The following SPON1 variants were observed in gnomAD, a reference collection of about 807,000 sequenced individuals.
SPON1 encodes the protein spondin-1.
In SPON1, 52 loss-of-function variants were observed where a neutral mutation model predicts 111.7. That is an observed-to-expected ratio of 0.47 (90% confidence interval 0.37 to 0.59). SPON1 has a LOEUF of 0.59. Among genes scored for constraint, SPON1 ranks in the 20% least tolerant of loss-of-function variants. SPON1 has a pLI of 0.00. For missense variants in SPON1, 957 were observed against 1,068.5 expected (o/e 0.90, Z 1.46); for synonymous variants, 410 against 395.8 (o/e 1.04, Z -0.43).
chr11:14,035,258 G>C (rs147597112), intron 2 of SPON1, among the ~76,000 whole-genome samples: 2 of 152,018 alleles, frequency 1.3e-5, no homozygotes, highest in East Asian at 3.9e-4. Context: ...AAAGAGCATG[G>C]ACATTATGGC....
At position 14,260,853 on chromosome 11, in the gene SPON1, G is replaced by T; in HGVS notation, c.1996+101G>T. 6.1e-6 allele frequency: 8 copies of T among 1,311,570 alleles called. No homozygotes were observed. The South Asian group carries it at 1.2e-4, about 20-fold the overall frequency. 81.2% of individuals were successfully genotyped at this position (1,311,570 alleles called of 1,614,324 possible). A position where few individuals can be genotyped will look rare whatever the true frequency, so the allele number is the denominator to read the frequency against. On this transcript the variant is annotated intron_variant, in intron 14 of 15. Coordinates refer to ENST00000576479, the MANE Select transcript of SPON1 (RefSeq NM_006108.4). ...ATACTGCTAGATCCTAGAATAACAT[G>T]GTTTGCTGGGGAAGAGTTTGGGGTT...
In SPON1 at chr11:14,135,256, A is replaced by C. The variant is rs937228277; in HGVS notation, c.677-164A>C. ...ACATTCCCAAGACCTATTTGCTTATAGGAACTCAGTCTTATCACTGAATGG... is the reference window on the plus strand; with the variant it reads ...ACATTCCCAAGACCTATTTGCTTATCGGAACTCAGTCTTATCACTGAATGG... On this transcript the variant is annotated intron_variant, in intron 5 of 15. Coordinates refer to ENST00000576479, the MANE Select transcript of SPON1 (RefSeq NM_006108.4). The surrounding 1 kb of genome is among the most constrained non-coding windows in gnomAD (Gnocchi z 4.4). Among the ~76,000 whole-genome samples the C allele has an allele frequency of 6.6e-6, 1 of 152,218 alleles. No individual in the cohort carries two copies. The highest frequency in any genetic ancestry group is 2.1e-4 in the South Asian group (1 of 4,830).
chr11:14,086,735 T>C (rs1849009886), intron 5 of SPON1, among the ~76,000 whole-genome samples: 1 of 152,228 alleles, frequency 6.6e-6, no homozygotes, highest in Non-Finnish European at 1.5e-5. Flanking sequence ...CAACTCCTCT[T>C]TGTACCTCTG....
intron 6 of SPON1, among the ~76,000 whole-genome samples, chr11:14,170,878 C>T (rs1333287740): frequency 6.6e-6 from 1 of 152,094 alleles, no homozygotes; most frequent in Non-Finnish European, 1.5e-5. Flanking sequence ...TTTTGATGTG[C>T]TGCTGGATTC....
In SPON1 at chr11:14,228,208, A is replaced by T. The variant is rs1848761335; in HGVS notation, c.826-15124A>T. Among the ~76,000 whole-genome samples, 1 of 152,194 alleles carries T rather than the reference A, an allele frequency of 6.6e-6. No homozygotes were observed. Among genetic ancestry groups the T allele is most frequent in the Admixed American group, 6.5e-5 (1 of 15,276 alleles). On this transcript the variant is annotated intron_variant, in intron 6 of 15. Transcript: ENST00000576479. The surrounding 1 kb of genome is among the most constrained non-coding windows in gnomAD (Gnocchi z 4.2). ...TGCATACACCAGGGCCCTTTGGGCT[A>T]ACTCAGTTCTCCCACTGTTCTTCCA...
chr11:14,123,479 C>G (rs1847417183), intron 5 of SPON1, among the ~76,000 whole-genome samples: 1 of 152,048 alleles, frequency 6.6e-6, no homozygotes, highest in African/African-American at 2.4e-5. Context: ...ATATAGTGTT[C>G]AGCAAGTTCT....
chr11:14,141,891 A>C (rs1266415356), intron 6 of SPON1, among the ~76,000 whole-genome samples: 1 of 152,116 alleles, frequency 6.6e-6, no homozygotes, highest in Non-Finnish European at 1.5e-5. Context: ...ACACACAAAC[A>C]CACACACACC....
intron 6 of SPON1, among the ~76,000 whole-genome samples, chr11:14,192,523 G>A (rs782659463): frequency 2.6e-4 from 39 of 152,156 alleles, no homozygotes; most frequent in Non-Finnish European, 5.1e-4. Flanking sequence ...GTCAATGTGC[G>A]TAGAGATGGA....
chr11:13,975,919 A>G (rs1848099932), intron 1 of SPON1, among the ~76,000 whole-genome samples: 1 of 152,126 alleles, frequency 6.6e-6, no homozygotes, highest in African/African-American at 2.4e-5. Flanking sequence ...CATCCCCAAT[A>G]TCACCATCAC....
chr11:14,231,465 A>T (rs897659550), intron 6 of SPON1, among the ~76,000 whole-genome samples: 15 of 152,036 alleles, frequency 9.9e-5, no homozygotes, highest in Non-Finnish European at 2.1e-4. Flanking sequence ...CAATATATTC[A>T]CATGGTTTGA....
At chr11:14,051,875 C>T (rs1291777349) in intron 3 of SPON1, among the ~76,000 whole-genome samples, 1 of 152,172 alleles carries the variant, frequency 6.6e-6, no homozygotes, top group African/African-American at 2.4e-5. Context: ...ATGTAATTCT[C>T]ATAAAAGCCC....
intron 6 of SPON1, among the ~76,000 whole-genome samples, chr11:14,200,767 A>G (rs970839059): frequency 6.9e-6 from 1 of 145,584 alleles, no homozygotes; most frequent in Non-Finnish European, 1.5e-5. Context: ...GTGAGCCAAG[A>G]TCACGCCACT....
intron 2 of SPON1, among the ~76,000 whole-genome samples, chr11:13,997,406 T>C (rs1848282049): frequency 6.6e-6 from 1 of 152,232 alleles, no homozygotes; most frequent in African/African-American, 2.4e-5. Context: ...TGAATTTATC[T>C]GAAACTTACT....
chr11:14,011,166 CTG>C (rs781854302), intron 2 of SPON1, among the ~76,000 whole-genome samples: 21 of 152,190 alleles, frequency 1.4e-4, no homozygotes, highest in Non-Finnish European at 2.5e-4. Context: ...CCTCTCCACT[CTG>C]TGGGTTTGAA....
intron 2 of SPON1, among the ~76,000 whole-genome samples, chr11:14,001,567 C>G (rs1591346628): frequency 6.6e-6 from 1 of 152,160 alleles, no homozygotes; most frequent in South Asian, 2.1e-4. Context: ...AGACCACACA[C>G]AAAGATTCTG....
At chr11:14,219,381 A>G (rs148245595) in intron 6 of SPON1, among the ~76,000 whole-genome samples, 1 of 152,292 alleles carries the variant, frequency 6.6e-6, no homozygotes, top group East Asian at 1.9e-4. Context: ...TGTAGACAGT[A>G]TGTAGTGGGT....
At chr11:14,035,244 G>A (rs782577639) in intron 2 of SPON1, among the ~76,000 whole-genome samples, 17 of 152,102 alleles carry the variant, frequency 1.1e-4, no homozygotes, top group Admixed American at 3.3e-4. Flanking sequence ...CTGTAGCATA[G>A]GGGAAAGAGC....
chr11:14,148,650 A>T (rs1847752708), intron 6 of SPON1, among the ~76,000 whole-genome samples: 1 of 152,172 alleles, frequency 6.6e-6, no homozygotes, highest in African/African-American at 2.4e-5. Flanking sequence ...AATATACTTC[A>T]CATGTCCAAA....
intron 1 of SPON1, among the ~76,000 whole-genome samples, chr11:13,979,251 G>A (rs7946904): frequency 0.011 from 1,614 of 152,100 alleles, 31 homozygotes; most frequent in African/African-American, 0.037. Context: ...CTGTCATCTC[G>A]TGGCATTCTT....
Sources: gnomAD v4.1 joint callset for allele counts (sites outside exome capture counted in the v4.1 genomes callset) on GRCh38, gnomAD v4.1.1 for gene constraint, Gnocchi (gnomAD v3.1) non-coding constraint, MANE v1.5 for transcripts, NCBI Gene and HGNC (gene_info 2026-07-23, HGNC 2026-07-21) for gene names.